Variants in FAM149A observed in about 807,000 individuals in gnomAD.
FAM149A encodes family with sequence similarity 149 member A.
FAM149A carries 71 observed loss-of-function variants against 78.2 expected under a neutral mutation model. That is an observed-to-expected ratio of 0.91 (90% CI 0.75 to 1.11). The LOEUF (loss-of-function observed/expected upper bound fraction) is 1.11, where lower values mean the gene tolerates loss of function less well. Among genes scored for constraint, FAM149A ranks in the 50% least tolerant of loss-of-function variants. The probability of loss-of-function intolerance (pLI) is 0.00; values close to 1 mark genes in which losing one functional copy is unlikely to be tolerated. For synonymous variants in FAM149A, 446 were observed against 410.5 expected (o/e 1.09, Z -1.04); for missense variants, 1,036 against 971.0 (o/e 1.07, Z -0.89).
chr4:186,138,384 A>G (rs1579842637), intron 1 of FAM149A, among the ~76,000 whole-genome samples: 1 of 152,196 alleles, frequency 6.6e-6, no homozygotes, highest in South Asian at 2.1e-4. Flanking sequence ...ATATTTTAGC[A>G]AATAGGTGAA....
chr4:186,110,089 C>T, intron 1 of FAM149A: 1 of 985,434 alleles, frequency 1.0e-6, no homozygotes, highest in Non-Finnish European at 1.2e-6. Context: ...CATTATCAGA[C>T]TATAAACTCT....
Position 186,105,421 on chromosome 4 carries a change from C to T in FAM149A, c.345C>T (p.Gly115=). Residue 115 remains glycine, a synonymous_variant, in exon 1 of 14, where the codon GGC becomes GGT. Coordinates refer to ENST00000389354, the MANE Select transcript of FAM149A (RefSeq NM_001367768.3). ...CGCCCCAGCCCCCCACTCCCTCCGG[C>T]GGGGGCTGCTCCCCTGCTCGCCTGG... 1 of 1,196,678 alleles carries T rather than the reference C, an allele frequency of 8.4e-7. No homozygotes were observed. The highest frequency in any genetic ancestry group is 1.1e-6 in the Non-Finnish European group (1 of 949,970). 74.1% of individuals were successfully genotyped at this position (1,196,678 alleles called of 1,614,324 possible).
intron 1 of FAM149A, chr4:186,132,217 A>G: frequency 1.0e-6 from 1 of 985,446 alleles, no homozygotes; most frequent in Non-Finnish European, 1.2e-6. Flanking sequence ...ATATCTGAAA[A>G]GTAAGCCATC....
chr4:186,148,473 T>G (rs1733225349), intron 1 of FAM149A, among the ~76,000 whole-genome samples: 1 of 152,194 alleles, frequency 6.6e-6, no homozygotes, highest in Admixed American at 6.5e-5. Flanking sequence ...TTATTAAACA[T>G]CAGGAAGATA....
intron 13 of FAM149A, among the ~76,000 whole-genome samples, chr4:186,170,114 C>T (rs1430312611): frequency 6.6e-6 from 1 of 152,250 alleles, no homozygotes; most frequent in Non-Finnish European, 1.5e-5. Flanking sequence ...ACAGGGGACT[C>T]CCTGGAGCTC....
chr4:186,112,011 A>G (rs1407074531), intron 1 of FAM149A, among the ~76,000 whole-genome samples: 4 of 150,080 alleles, frequency 2.7e-5, no homozygotes, highest in African/African-American at 9.8e-5. Context: ...CATGATATTG[A>G]TTCTTCCTAC....
At chr4:186,136,205 C>G (rs1316755476) in intron 1 of FAM149A, among the ~76,000 whole-genome samples, 1 of 152,166 alleles carries the variant, frequency 6.6e-6, no homozygotes, top group Non-Finnish European at 1.5e-5. Flanking sequence ...CCCAATTGAA[C>G]TCTTCATAGA....
intron 4 of FAM149A, among the ~76,000 whole-genome samples, chr4:186,152,539 C>CTTT (rs10718602): frequency 0.2 from 17,874 of 88,022 alleles, 2,377 homozygotes; most frequent in Non-Finnish European, 0.25. Flanking sequence ...TTTCTTTTTG[C>CTTT]TTTTTTTTTT....
chr4:186,162,936 C>T lies in FAM149A; in HGVS notation c.1667C>T (p.Ala556Val). ...CTTCAGCGGAGACCTGCCTATTTTGCTGACAGAACGCAGTACGTATCAGAA... is the reference window on the plus strand; with the variant it reads ...CTTCAGCGGAGACCTGCCTATTTTGTTGACAGAACGCAGTACGTATCAGAA... The change falls in exon 9 of 14, where the codon GCT becomes GTT. Residue 556 changes from alanine to valine, a missense_variant. By Grantham distance (64) the Ala-to-Val change is moderately conservative (BLOSUM62 0). Around this residue, in one of 3 missense-constraint regions of FAM149A, gnomAD observed 716 missense variants for 711.8 expected, o/e 1.01. Coordinates refer to ENST00000389354, the MANE Select transcript of FAM149A (RefSeq NM_001367768.3). The T allele has an allele frequency of 6.3e-7, 1 of 1,596,596 alleles. No individual in the cohort carries two copies. The highest frequency in any genetic ancestry group is 8.6e-7 in the Non-Finnish European group (1 of 1,167,878).
At chr4:186,152,197 C>G in intron 4 of FAM149A, 152 bp downstream of exon 4, 1 of 723,548 alleles carries the variant, frequency 1.4e-6, no homozygotes, top group Non-Finnish European at 2.3e-6. Flanking sequence ...GATCACTTTC[C>G]TCTTACGGCG....
intron 1 of FAM149A, chr4:186,126,772 T>G: frequency 1.7e-6 from 1 of 604,822 alleles, no homozygotes; most frequent in Non-Finnish European, 2.1e-6. Context: ...ATGATGCGAC[T>G]TCTTAGCCTC....
At chr4:186,155,397 C>T (rs1417558985) in intron 6 of FAM149A, among the ~76,000 whole-genome samples, 1 of 152,166 alleles carries the variant, frequency 6.6e-6, no homozygotes, top group African/African-American at 2.4e-5. Context: ...TGAAATCAAG[C>T]ATCTTTTCTG....
chr4:186,149,325 C>A (rs1279608480), intron 2 of FAM149A, 42 bp downstream of exon 2: 1 of 1,268,366 alleles, frequency 7.9e-7, no homozygotes, highest in East Asian at 5.6e-5. Flanking sequence ...TCACAAAATG[C>A]CCGTAACAAA....
intron 9 of FAM149A, 109 bp downstream of exon 9, chr4:186,163,057 G>T (rs80325625): frequency 1.4e-6 from 1 of 715,506 alleles, no homozygotes; most frequent in Non-Finnish European, 2.5e-6. Context: ...ATTTAATCCC[G>T]TGCTTCAGAT....
chr4:186,141,386 A>G (rs1425005844), intron 1 of FAM149A, among the ~76,000 whole-genome samples: 1 of 152,214 alleles, frequency 6.6e-6, no homozygotes, highest in Non-Finnish European at 1.5e-5. Flanking sequence ...AGATTAAAAT[A>G]TATCATTAAA....
intron 13 of FAM149A, among the ~76,000 whole-genome samples, chr4:186,168,794 G>A (rs1242502082): frequency 6.6e-6 from 1 of 152,202 alleles, no homozygotes; most frequent in East Asian, 1.9e-4. Flanking sequence ...AACAGCAGGG[G>A]TGTTTCCGTC....
At chr4:186,143,614 C>T (rs757141839) in intron 1 of FAM149A, among the ~76,000 whole-genome samples, 22 of 152,020 alleles carry the variant, frequency 1.4e-4, no homozygotes, top group Non-Finnish European at 2.6e-4. Context: ...GGGGCGATCT[C>T]CGCCTCCCAG....
At chr4:186,124,096 G>A (rs1438476254) in intron 1 of FAM149A, 27 of 984,646 alleles carry the variant, frequency 2.7e-5, no homozygotes, top group Non-Finnish European at 3.1e-5. Context: ...CCAAAGAGGT[G>A]TATCCTTGGT....
At chr4:186,127,749 G>A (rs1256566132) in intron 1 of FAM149A, 15 of 851,618 alleles carry the variant, frequency 1.8e-5, no homozygotes, top group Non-Finnish European at 2.1e-5. Context: ...GCAGTGGCAC[G>A]ATCTCTGCTC....
Sources: gnomAD v4.1 joint callset for allele counts (sites outside exome capture counted in the v4.1 genomes callset) on GRCh38, gnomAD v4.1.1 for gene constraint, gnomAD v4.1.1 regional missense constraint, MANE v1.5 for transcripts, NCBI Gene and HGNC (gene_info 2026-07-23, HGNC 2026-07-21) for gene names.